Variants in TSGA10 observed in about 807,000 individuals in gnomAD.
The protein encoded by TSGA10 is testis-specific gene 10 protein.
In TSGA10, 43 loss-of-function variants were observed where a neutral mutation model predicts 96.6. That is an observed-to-expected ratio of 0.44 (90% CI 0.35 to 0.57). The LOEUF is 0.57. Ranked by LOEUF, TSGA10 falls within the 20% of genes least tolerant of loss-of-function variation. The pLI is 0.01. For synonymous variants in TSGA10, 229 were observed against 269.9 expected, an observed-to-expected ratio of 0.85 and a Z score of 1.48; for missense variants, 703 against 834.4, an observed-to-expected ratio of 0.84 and a Z score of 1.94.
chr2:99,080,903 C>T (rs1002130106), intron 11 of TSGA10, among the ~76,000 whole-genome samples: 11 of 152,146 alleles, frequency 7.2e-5, no homozygotes, highest in East Asian at 1.9e-4. Context: ...AGTGAGTTCT[C>T]GCTAGACATA....
intron 5 of TSGA10, among the ~76,000 whole-genome samples, chr2:99,110,565 A>C (rs1217653568): frequency 6.6e-6 from 1 of 152,220 alleles, no homozygotes; most frequent in Non-Finnish European, 1.5e-5. Flanking sequence ...TTTGAGAATT[A>C]TTCAGTCATC....
Position 99,154,771 on chromosome 2 carries a change from TACTTTTATTCGA to T in TSGA10, c.-711_-700del. 1 of 312,988 alleles carries T rather than the reference TACTTTTATTCGA, an allele frequency of 3.2e-6. No individual in the cohort carries two copies. The highest frequency in any genetic ancestry group is 6.3e-6 in the Non-Finnish European group (1 of 157,870). 19.4% of individuals were successfully genotyped at this position (312,988 alleles called of 1,614,324 possible). A position where few individuals can be genotyped will look rare whatever the true frequency, so the allele number is the denominator to read the frequency against. ...TGAACTGGGGCCTTATGACCTTCGG[TACTTTTATTCGA>T]ACGTAGCCTGCGTCCCTGCCTGGAA... On this transcript the variant is annotated 5_prime_UTR_variant, in exon 1 of 21. Coordinates refer to ENST00000393483, the MANE Select transcript of TSGA10 (RefSeq NM_025244.4).
intron 4 of TSGA10, among the ~76,000 whole-genome samples, chr2:99,113,275 T>G (rs967047301): frequency 6.6e-5 from 10 of 152,110 alleles, no homozygotes; most frequent in Non-Finnish European, 1.2e-4. Flanking sequence ...TTTTAAAGAT[T>G]AGAATATGGA....
At chr2:99,074,212 CTA>C (rs2086383266) in intron 12 of TSGA10, among the ~76,000 whole-genome samples, 1 of 151,846 alleles carries the variant, frequency 6.6e-6, no homozygotes, top group African/African-American at 2.4e-5. Context: ...CGGGGTTTCA[CTA>C]TGTTGGCCAG....
intron 14 of TSGA10, among the ~76,000 whole-genome samples, chr2:99,069,591 G>C (rs2104498381): frequency 6.6e-6 from 1 of 151,342 alleles, no homozygotes; most frequent in Non-Finnish European, 1.5e-5. Flanking sequence ...TTGAGCCTAA[G>C]AGTTTGAGAC....
At chr2:99,145,039 A>G (rs1183345729) in intron 1 of TSGA10, among the ~76,000 whole-genome samples, 2 of 152,190 alleles carry the variant, frequency 1.3e-5, no homozygotes. Flanking sequence ...GAGATTTACA[A>G]GTTCAAATTG....
intron 20 of TSGA10, among the ~76,000 whole-genome samples, chr2:99,011,427 C>A (rs747393537): frequency 6.6e-6 from 1 of 152,038 alleles, no homozygotes; most frequent in Admixed American, 6.6e-5. Flanking sequence ...CCACCATGCC[C>A]GGCCAAAGAC....
At chr2:99,026,817 C>T (rs780229522) in intron 17 of TSGA10, among the ~76,000 whole-genome samples, 5 of 152,152 alleles carry the variant, frequency 3.3e-5, no homozygotes, top group South Asian at 4.1e-4. Context: ...ATAAAGAAAA[C>T]GTGGTATATA....
chr2:99,096,681 A>C (rs922818517), intron 10 of TSGA10, among the ~76,000 whole-genome samples: 2 of 152,168 alleles, frequency 1.3e-5, no homozygotes, highest in Non-Finnish European at 2.9e-5. Flanking sequence ...CATTTTATAA[A>C]ATGTCACATG....
chr2:99,072,166 G>C, intron 13 of TSGA10, among the ~76,000 whole-genome samples: 1 of 152,046 alleles, frequency 6.6e-6, no homozygotes, highest in East Asian at 1.9e-4. Flanking sequence ...TTCTGTTATG[G>C]CTTAGTCTCC....
intron 12 of TSGA10, among the ~76,000 whole-genome samples, chr2:99,074,411 T>C (rs931376643): frequency 4.0e-5 from 6 of 150,790 alleles, no homozygotes; most frequent in African/African-American, 1.5e-4. Context: ...TTCTCCAGGG[T>C]ATTTTTAGCT....
intron 15 of TSGA10, among the ~76,000 whole-genome samples, chr2:99,066,761 T>G (rs1321248066): frequency 6.6e-6 from 1 of 152,142 alleles, no homozygotes; most frequent in African/African-American, 2.4e-5. Context: ...AAACTGTTCT[T>G]TGGTATTCTC....
chr2:99,003,748 C>T (rs1303754733), intron 20 of TSGA10, among the ~76,000 whole-genome samples: 1 of 152,114 alleles, frequency 6.6e-6, no homozygotes, highest in Non-Finnish European at 1.5e-5. Context: ...TTCTTTGAAA[C>T]TAATGAGAAC....
At chr2:99,145,471 T>C (rs1574760030) in intron 1 of TSGA10, among the ~76,000 whole-genome samples, 1 of 151,238 alleles carries the variant, frequency 6.6e-6, no homozygotes, top group African/African-American at 2.4e-5. Context: ...GGCACGAGAA[T>C]CACTTGAACC....
intron 15 of TSGA10, among the ~76,000 whole-genome samples, chr2:99,067,922 T>C (rs2085456202): frequency 6.6e-6 from 1 of 152,182 alleles, no homozygotes; most frequent in African/African-American, 2.4e-5. Flanking sequence ...GATGGCTCAC[T>C]GTGCTAGGTG....
chr2:99,099,558 T>A (rs764879821), intron 10 of TSGA10, among the ~76,000 whole-genome samples: 3 of 152,188 alleles, frequency 2.0e-5, no homozygotes, highest in Non-Finnish European at 2.9e-5. Flanking sequence ...TGTGACCATC[T>A]AAATACATGA....
intron 17 of TSGA10, among the ~76,000 whole-genome samples, chr2:99,030,411 G>A (rs1219603800): frequency 6.6e-6 from 1 of 152,090 alleles, no homozygotes; most frequent in Non-Finnish European, 1.5e-5. Flanking sequence ...ATTTTGGGAG[G>A]CTGGGGCAGG....
At chr2:99,101,267 A>AAAAAAAAAAAAT (rs2090694703) in intron 10 of TSGA10, among the ~76,000 whole-genome samples, 1 of 150,758 alleles carries the variant, frequency 6.6e-6, no homozygotes, top group South Asian at 2.1e-4. Context: ...AAAAAAAAAA[A>AAAAAAAAAAAAT]AAAAGCATAA....
At chr2:98,998,755 T>C (rs2077645193) in intron 20 of TSGA10, among the ~76,000 whole-genome samples, 1 of 152,190 alleles carries the variant, frequency 6.6e-6, no homozygotes, top group Non-Finnish European at 1.5e-5. Flanking sequence ...ATAAGGCCTT[T>C]AGACTAGTTA....
Sources: allele counts gnomAD v4.1 joint callset (sites outside exome capture counted in the v4.1 genomes callset), GRCh38; gene constraint gnomAD v4.1.1; transcripts MANE v1.5; gene names NCBI Gene and HGNC (gene_info 2026-07-23, HGNC 2026-07-21).